Variants in RFX7 observed in about 807,000 individuals in gnomAD.
RFX7 encodes DNA-binding protein RFX7.
In RFX7, 26 loss-of-function variants were observed where a neutral mutation model predicts 111.8. That is an observed-to-expected ratio of 0.23 (90% CI 0.17 to 0.32). RFX7 has a LOEUF of 0.32. Ranked by LOEUF, RFX7 falls within the 10% of genes least tolerant of loss-of-function variation. RFX7 has a pLI of 1.00. For missense variants in RFX7, 1,573 were observed against 1,772.9 expected (o/e 0.89, Z 2.02); for synonymous variants, 624 against 624.4 (o/e 1.00, Z 0.01).
intron 8 of RFX7, among the ~76,000 whole-genome samples, chr15:56,100,886 TG>T (rs1318599224): frequency 6.6e-6 from 1 of 152,190 alleles, no homozygotes; most frequent in Non-Finnish European, 1.5e-5. Context: ...TGTACGGTTT[TG>T]TTTTTTTGAG....
Position 56,093,132 on chromosome 15 carries a change from C to A in RFX7, c.*213G>T. ...ATGGGGCACATTATAAAATTTAAAA[C>A]CTAATACTTGTTCTTCTACAGCCTA... On this transcript the variant is annotated 3_prime_UTR_variant, in exon 10 of 10. Transcript: ENST00000559447. The A allele has an allele frequency of 2.0e-6, 1 of 491,706 alleles. No homozygotes were observed. The highest frequency in any genetic ancestry group is 4.2e-5 in the South Asian group (1 of 23,544). 30.5% of individuals were successfully genotyped at this position (491,706 alleles called of 1,614,324 possible). A position where few individuals can be genotyped will look rare whatever the true frequency, so the allele number is the denominator to read the frequency against.
chr15:56,101,603 G>T, intron 7 of RFX7, 37 bp from the exon 8 acceptor site: 2 of 1,525,920 alleles, frequency 1.3e-6, no homozygotes, highest in African/African-American at 1.4e-5. Flanking sequence ...ACTTGTAAAA[G>T]ACCAGAGAAA....
At chr15:56,120,114 T>C (rs2042057620) in intron 5 of RFX7, among the ~76,000 whole-genome samples, 1 of 152,212 alleles carries the variant, frequency 6.6e-6, no homozygotes, top group African/African-American at 2.4e-5. Context: ...ATTATTTTAA[T>C]AATGATTCTT....
chr15:56,094,405 T>C lies in RFX7; in HGVS notation c.3323A>G (p.Gln1108Arg). The C allele has an allele frequency of 6.2e-7, 1 of 1,614,014 alleles. No individual in the cohort carries two copies. Among genetic ancestry groups the C allele is most frequent in the East Asian group, 2.2e-5 (1 of 44,884 alleles). The change falls in exon 10 of 10, where the codon CAG (glutamine) becomes CGG (arginine). Residue 1108 changes from glutamine to arginine, a missense_variant. Around this residue, in one of 7 missense-constraint regions of RFX7, gnomAD observed 411 missense variants for 478.1 expected, o/e 0.86. Coordinates refer to ENST00000559447, the MANE Select transcript of RFX7 (RefSeq NM_022841.7). The stretch of plus-strand genomic sequence containing the variant: ...AGTGTCATGATGTCTGGATTGAGAC[T>C]GATAAGACTGTCCAGGCACAGCAAA... ...HAFAVPGQSYQSQSRHHDTHF... is the reference protein window; with the variant it reads ...HAFAVPGQSYRSQSRHHDTHF...
intron 2 of RFX7, among the ~76,000 whole-genome samples, chr15:56,207,162 T>C (rs1238786164): frequency 6.6e-6 from 1 of 152,086 alleles, no homozygotes; most frequent in African/African-American, 2.4e-5. Context: ...AATTAAAAAT[T>C]AAAAAAGACC....
At chr15:56,115,015 T>C (rs749130874) in intron 5 of RFX7, among the ~76,000 whole-genome samples, 14 of 152,174 alleles carry the variant, frequency 9.2e-5, no homozygotes, top group Non-Finnish European at 1.3e-4. Context: ...TTTTTTTATT[T>C]TTATTTTATT....
intron 2 of RFX7, among the ~76,000 whole-genome samples, chr15:56,234,790 T>C (rs2043604654): frequency 6.6e-6 from 1 of 152,258 alleles, no homozygotes; most frequent in Non-Finnish European, 1.5e-5. Context: ...AAGTGATTAC[T>C]TTGTTTCAGA....
intron 5 of RFX7, among the ~76,000 whole-genome samples, chr15:56,123,813 A>C (rs1160012395): frequency 6.6e-6 from 1 of 152,164 alleles, no homozygotes; most frequent in Non-Finnish European, 1.5e-5. Flanking sequence ...GAGCTGGCTG[A>C]GTTCTGCCCA....
chr15:56,177,303 C>T (rs1466052026), intron 3 of RFX7, among the ~76,000 whole-genome samples: 1 of 152,102 alleles, frequency 6.6e-6, no homozygotes, highest in Non-Finnish European at 1.5e-5. Flanking sequence ...TAAGGTTACC[C>T]TACCCACCAT....
At chr15:56,169,834 T>C (rs751997385) in intron 3 of RFX7, among the ~76,000 whole-genome samples, 2 of 151,570 alleles carry the variant, frequency 1.3e-5, no homozygotes, top group Non-Finnish European at 2.9e-5. Flanking sequence ...GGTGGATTGG[T>C]TATCTTTTAA....
At chr15:56,241,623 C>T (rs1336539025) in intron 2 of RFX7, among the ~76,000 whole-genome samples, 2 of 151,936 alleles carry the variant, frequency 1.3e-5, no homozygotes, top group Non-Finnish European at 2.9e-5. Context: ...TTTGTGAAAA[C>T]CTTGATGGCA....
At chr15:56,154,636 T>G (rs1485133309) in intron 3 of RFX7, among the ~76,000 whole-genome samples, 2 of 152,170 alleles carry the variant, frequency 1.3e-5, no homozygotes, top group African/African-American at 4.8e-5. Context: ...CAACTCAAGA[T>G]GGATCAAAGA....
rs2043134832 is a variant in RFX7 at position 56,195,075 on chromosome 15, CA to C, written c.162-15773del. ...TTATTAAAATGAAATATTATTCAACCATAAAAAGGAATGCAGTATCAACAAA... is the reference window on the plus strand; with the variant it reads ...TTATTAAAATGAAATATTATTCAACCTAAAAAGGAATGCAGTATCAACAAA... On this transcript the variant is annotated intron_variant, in intron 2 of 9. Coordinates refer to ENST00000559447, the MANE Select transcript of RFX7 (RefSeq NM_022841.7). 5.9e-5 allele frequency among the ~76,000 whole-genome samples: 9 copies of C among 152,104 alleles called. No homozygotes were observed. The South Asian group carries it at 1.9e-3, about 32-fold the overall frequency.
intron 5 of RFX7, among the ~76,000 whole-genome samples, chr15:56,113,508 T>G (rs972505896): frequency 1.3e-5 from 2 of 151,434 alleles, no homozygotes; most frequent in African/African-American, 2.4e-5. Flanking sequence ...GCGGGGGCGG[T>G]GAGGGGAGGA....
intron 2 of RFX7, among the ~76,000 whole-genome samples, chr15:56,223,973 T>G (rs1461405825): frequency 6.6e-6 from 1 of 152,104 alleles, no homozygotes; most frequent in Admixed American, 6.6e-5. Context: ...AACAGAATCT[T>G]TTTACAGCTA....
chr15:56,173,046 C>T (rs566903489), intron 3 of RFX7, among the ~76,000 whole-genome samples: 2 of 152,202 alleles, frequency 1.3e-5, no homozygotes, highest in South Asian at 2.1e-4. Context: ...ACTTGACTGT[C>T]GTGCAGAAAG....
At chr15:56,206,170 A>T (rs1415996951) in intron 2 of RFX7, among the ~76,000 whole-genome samples, 1 of 152,214 alleles carries the variant, frequency 6.6e-6, no homozygotes, top group African/African-American at 2.4e-5. Flanking sequence ...ATAACCAAAA[A>T]GTGGAAGCAA....
intron 3 of RFX7, 26 bp from the exon 4 acceptor site, chr15:56,144,509 G>A: frequency 7.8e-7 from 1 of 1,281,876 alleles, no homozygotes; most frequent in Non-Finnish European, 1.1e-6. Flanking sequence ...TAAAAAGAAA[G>A]ATCATTTTTA....
chr15:56,236,114 G>A (rs1442034366), intron 2 of RFX7, among the ~76,000 whole-genome samples: 15 of 152,088 alleles, frequency 9.9e-5, no homozygotes, highest in Admixed American at 9.2e-4. Context: ...ATATATATAT[G>A]AGCTACGGTA....
Sources: gnomAD v4.1 joint callset for allele counts (sites outside exome capture counted in the v4.1 genomes callset) on GRCh38, gnomAD v4.1.1 for gene constraint, gnomAD v4.1.1 regional missense constraint, MANE v1.5 for transcripts, NCBI Gene and HGNC (gene_info 2026-07-23, HGNC 2026-07-21) for gene names.